The following MTUS1 variants were observed in gnomAD, a reference collection of about 807,000 sequenced individuals.
MTUS1 encodes the protein microtubule-associated tumor suppressor 1.
A neutral mutation model predicts 120.8 loss-of-function variants in MTUS1; 109 were observed. The observed-to-expected ratio is 0.90, with a 90% confidence interval of 0.77 to 1.06. The LOEUF is 1.06. MTUS1 is among the 50% of genes least tolerant of loss of function. The pLI, the probability that MTUS1 is intolerant of heterozygous loss-of-function variation, is 0.00. For synonymous variants in MTUS1, 737 were observed against 550.5 expected (o/e 1.34, Z -4.74); for missense variants, 2,210 against 1,486.3 (o/e 1.49, Z -8.01).
Position 17,654,644 on chromosome 8 carries a change from T to G in MTUS1, c.3131A>C (p.His1044Pro). Residue 1044 changes from histidine (H) to proline (P), a missense_variant, in exon 10 of 15, where the codon CAT becomes CCT. Physicochemically the swap from His to Pro is moderately conservative, Grantham distance 77 (BLOSUM62 -2). Transcript: ENST00000693296. Reference protein sequence around the residue: ...QEQFDNLNAAHETSKLEIEAS... With the variant: ...QEQFDNLNAAPETSKLEIEAS... ...TTCAATTTCCAACTTAGAGGTTTCA[T>G]GCGCAGCATTTAAGTTGTCAAACTG... The G allele has an allele frequency of 6.2e-7, 1 of 1,614,010 alleles. No individual in the cohort carries two copies.
At chr8:17,722,624 A>T (rs1389267493) in intron 4 of MTUS1, 1 of 950,092 alleles carries the variant, frequency 1.1e-6, no homozygotes, top group East Asian at 1.2e-4. Context: ...GTGCTCATTA[A>T]TTCGGTCATT....
At chr8:17,770,557 G>C (rs1002066892) in intron 1 of MTUS1, 1 of 152,162 alleles carries the variant, frequency 6.6e-6, no homozygotes, top group East Asian at 1.9e-4. Context: ...TTTTCATGGA[G>C]CAATGCAGAA....
chr8:17,749,046 G>C, intron 2 of MTUS1, among the ~76,000 whole-genome samples: 1 of 151,946 alleles, frequency 6.6e-6, no homozygotes, highest in East Asian at 1.9e-4. Context: ...CACTTCTCTC[G>C]GCCAAGGGCA....
chr8:17,781,550 A>C (rs2050876214), intron 1 of MTUS1, among the ~76,000 whole-genome samples: 1 of 152,218 alleles, frequency 6.6e-6, no homozygotes, highest in Admixed American at 6.5e-5. Context: ...TTATCCAGAA[A>C]CATATCCCAG....
At chr8:17,675,288 A>C in intron 7 of MTUS1, 36 bp from the exon 8 acceptor site, 2 of 1,601,304 alleles carry the variant, frequency 1.2e-6, no homozygotes, top group East Asian at 2.2e-5. Flanking sequence ...TCATGCTTTC[A>C]AGAGGGTCCC....
intron 3 of MTUS1, among the ~76,000 whole-genome samples, chr8:17,730,389 G>A (rs944576415): frequency 6.6e-6 from 1 of 151,866 alleles, no homozygotes; most frequent in Non-Finnish European, 1.5e-5. Context: ...GGAGGGTGAG[G>A]TAGGAGAATC....
intron 1 of MTUS1, among the ~76,000 whole-genome samples, chr8:17,788,221 A>C (rs151053632): frequency 6.6e-6 from 1 of 152,322 alleles, no homozygotes; most frequent in Non-Finnish European, 1.5e-5. Flanking sequence ...ATAATTGCAC[A>C]CTTAAGCCAG....
intron 8 of MTUS1, among the ~76,000 whole-genome samples, chr8:17,662,519 C>T (rs561792817): frequency 1.3e-4 from 19 of 151,808 alleles, no homozygotes; most frequent in Admixed American, 2.6e-4. Context: ...CCACACTTGG[C>T]TAATTTTTTG....
At chr8:17,783,351 G>T (rs757585610) in intron 1 of MTUS1, among the ~76,000 whole-genome samples, 28 of 152,044 alleles carry the variant, frequency 1.8e-4, no homozygotes, top group South Asian at 4.2e-4. Context: ...GAAAACAAAG[G>T]AACACAACAT....
chr8:17,758,227 C>G (rs2048771197), intron 1 of MTUS1: 1 of 152,146 alleles, frequency 6.6e-6, no homozygotes, highest in South Asian at 2.1e-4. Context: ...AGAATAGGAA[C>G]TATGTTAAAA....
At chr8:17,751,630 C>T (rs1028836202) in intron 2 of MTUS1, among the ~76,000 whole-genome samples, 2 of 151,994 alleles carry the variant, frequency 1.3e-5, no homozygotes, top group Non-Finnish European at 2.9e-5. Context: ...GAGGCCGAGG[C>T]AGGTGGATCA....
At chr8:17,772,853 C>G (rs990853169) in intron 1 of MTUS1, among the ~76,000 whole-genome samples, 1 of 152,052 alleles carries the variant, frequency 6.6e-6, no homozygotes, top group Non-Finnish European at 1.5e-5. Context: ...AAGGAAAAAC[C>G]ATATGAACAT....
intron 3 of MTUS1, among the ~76,000 whole-genome samples, chr8:17,739,320 C>T (rs113785456): frequency 1.5e-4 from 23 of 151,566 alleles, no homozygotes; most frequent in African/African-American, 4.4e-4. Flanking sequence ...ATGGAGAAAC[C>T]CTATCTCTAT....
At chr8:17,786,154 A>C (rs1437173150) in intron 1 of MTUS1, among the ~76,000 whole-genome samples, 2 of 151,904 alleles carry the variant, frequency 1.3e-5, no homozygotes, top group Admixed American at 6.6e-5. Context: ...AAAAACAAAC[A>C]AAAAAAAGCA....
chr8:17,751,862 T>TAAA (rs56362055), intron 2 of MTUS1, among the ~76,000 whole-genome samples: 9 of 96,534 alleles, frequency 9.3e-5, no homozygotes, highest in East Asian at 2.7e-4. Context: ...GACTCTGCCT[T>TAAA]AAAAAAAAAA....
chr8:17,714,462 A>G (rs558481093), intron 5 of MTUS1, among the ~76,000 whole-genome samples: 1 of 152,224 alleles, frequency 6.6e-6, no homozygotes, highest in African/African-American at 2.4e-5. Flanking sequence ...GATATCCACA[A>G]GTAACCAGAA....
At chr8:17,661,094 A>C (rs1809587357) in intron 8 of MTUS1, among the ~76,000 whole-genome samples, 1 of 152,248 alleles carries the variant, frequency 6.6e-6, no homozygotes, top group East Asian at 1.9e-4. Context: ...CCACAGAAGA[A>C]AAAATGACTC....
intron 3 of MTUS1, among the ~76,000 whole-genome samples, chr8:17,725,073 A>AT (rs1035718183): frequency 1.3e-5 from 2 of 151,660 alleles, no homozygotes; most frequent in South Asian, 2.1e-4. Context: ...CCTATTTTTT[A>AT]TTTTTTTCCA....
At chr8:17,672,798 T>C (rs1417832746) in intron 8 of MTUS1, among the ~76,000 whole-genome samples, 7 of 152,166 alleles carry the variant, frequency 4.6e-5, no homozygotes, top group Non-Finnish European at 1.0e-4. Flanking sequence ...CAGGACAGCT[T>C]CCTTATCAAG....
Sources: gnomAD v4.1 joint callset for allele counts (sites outside exome capture counted in the v4.1 genomes callset) on GRCh38, gnomAD v4.1.1 for gene constraint, MANE v1.5 for transcripts, NCBI Gene and HGNC (gene_info 2026-07-23, HGNC 2026-07-21) for gene names.